Variants in ZNF880 observed in about 807,000 individuals in gnomAD.
The protein encoded by ZNF880 is zinc finger protein LOC400713.
ZNF880 carries 12 observed loss-of-function variants against 11.8 expected under a neutral mutation model. That is an observed-to-expected ratio of 1.02 (90% CI 0.65 to 1.65). The LOEUF (loss-of-function observed/expected upper bound fraction) is 1.65. ZNF880 is among the 40% of genes most tolerant of loss of function. The probability of loss-of-function intolerance (pLI) is 0.00; values close to 1 mark genes in which losing one functional copy is unlikely to be tolerated. For missense variants in ZNF880, 601 were observed against 673.9 expected, an observed-to-expected ratio of 0.89 and a Z score of 1.20; for synonymous variants, 210 against 232.4, an observed-to-expected ratio of 0.90 and a Z score of 0.88.
upstream of ZNF880, chr19:52,369,874 C>A (rs1986305575): frequency 6.6e-7 from 1 of 1,515,476 alleles, no homozygotes; most frequent in Non-Finnish European, 9.0e-7. Flanking sequence ...GCAGGCTCCG[C>A]CCAATCCCAC....
chr19:52,396,787 A>G, the ZNF880 span: 1 of 152,200 alleles, frequency 6.6e-6, no homozygotes, highest in Non-Finnish European at 1.5e-5. Context: ...GTAGAAAATT[A>G]GCACAGTGGA....
rs959054430 is a variant in ZNF880, at chr19:52,381,743, G to A, written c.269-2106G>A. Among the ~76,000 whole-genome samples, 8 of 151,880 alleles carry A rather than the reference G, an allele frequency of 5.3e-5. No homozygotes were observed. The East Asian group carries it at 1.2e-3, about 22-fold the overall frequency. ...TTGAATCCCATCTCTTGTGTGTGTC[G>A]GATAGATTTTCTCTTTGTGGTTAGC... On this transcript the variant is annotated intron_variant, in intron 3 of 3. Coordinates refer to ENST00000422689, the MANE Select transcript of ZNF880 (RefSeq NM_001145434.2).
At chr19:52,375,603 C>T (rs1474645851) in intron 3 of ZNF880, among the ~76,000 whole-genome samples, 3 of 152,076 alleles carry the variant, frequency 2.0e-5, no homozygotes, top group Non-Finnish European at 2.9e-5. Flanking sequence ...ACCCATCACC[C>T]GAGCATTGTA....
At chr19:52,370,053 C>A in intron 1 of ZNF880, 76 bp downstream of exon 1, 1 of 1,523,862 alleles carries the variant, frequency 6.6e-7, no homozygotes, top group Non-Finnish European at 8.9e-7. Context: ...TCTCAGGGGT[C>A]ACACAGACCT....
chr19:52,373,136 C>T lies in ZNF880; in HGVS notation c.38C>T (p.Ala13Val). Residue 13 changes from alanine to valine, a missense_variant, in exon 2 of 4, where the codon GCC (alanine) becomes GTC (valine). This residue lies in a region of ZNF880 where 420 missense variants were observed against 442.6 expected (regional missense o/e 0.95). Coordinates refer to ENST00000422689, the MANE Select transcript of ZNF880 (RefSeq NM_001145434.2). ...GGACACTTGGCATTCAGGGACGTGGCCATAGAATTCCCTCAGGAGGAGTGG... is the reference window on the plus strand; with the variant it reads ...GGACACTTGGCATTCAGGGACGTGGTCATAGAATTCCCTCAGGAGGAGTGG... The part of the protein sequence containing the change: ...RRGHLAFRDV[A>V]IEFPQEEWKC... 6.2e-7 allele frequency: 1 copy of T among 1,613,180 alleles called. No individual in the cohort carries two copies. Among genetic ancestry groups the T allele is most frequent in the Non-Finnish European group, 8.5e-7 (1 of 1,179,526 alleles).
upstream of ZNF880, among the ~76,000 whole-genome samples, chr19:52,368,973 C>CAAAA (rs3029482): frequency 2.8e-5 from 2 of 71,854 alleles, no homozygotes; most frequent in African/African-American, 5.6e-5. Flanking sequence ...GAGACCATCT[C>CAAAA]AAAAAAAAAA....
At chr19:52,389,549 G>C (rs1285396594), downstream of ZNF880, 3 of 152,272 alleles carry the variant, frequency 2.0e-5, no homozygotes, top group African/African-American at 7.2e-5. Context: ...GTCTGCCCCT[G>C]TGACTTTGCA....
chr19:52,376,617 C>T (rs1357505518), intron 3 of ZNF880, among the ~76,000 whole-genome samples: 3 of 147,018 alleles, frequency 2.0e-5, no homozygotes, highest in Admixed American at 1.4e-4. Flanking sequence ...TCAAGCAATT[C>T]TCCTGCCTCA....
chr19:52,380,833 T>C (rs1160396128), intron 3 of ZNF880, among the ~76,000 whole-genome samples: 1 of 150,626 alleles, frequency 6.6e-6, no homozygotes, highest in Non-Finnish European at 1.5e-5. Flanking sequence ...TGTACCACCA[T>C]GCCTGGCTAA....
At chr19:52,382,800 C>T (rs920548264) in intron 3 of ZNF880, among the ~76,000 whole-genome samples, 6 of 152,100 alleles carry the variant, frequency 3.9e-5, no homozygotes, top group Middle Eastern at 6.3e-3. Context: ...AGTTAGTTGA[C>T]CAAGCTTCTT....
At chr19:52,394,326 T>C in the ZNF880 span, among the ~76,000 whole-genome samples, 1 of 152,112 alleles carries the variant, frequency 6.6e-6, no homozygotes, top group African/African-American at 2.4e-5. Context: ...ACCTGTGTCC[T>C]GCAGGCTTAA....
intron 3 of ZNF880, among the ~76,000 whole-genome samples, chr19:52,378,954 A>T (rs1986631885): frequency 6.6e-6 from 1 of 152,138 alleles, no homozygotes; most frequent in Admixed American, 6.6e-5. Context: ...GCACACCTGT[A>T]GTCCTAGCTA....
chr19:52,371,029 T>A (rs1883582571), intron 1 of ZNF880, among the ~76,000 whole-genome samples: 1 of 152,222 alleles, frequency 6.6e-6, no homozygotes, highest in African/African-American at 2.4e-5. Flanking sequence ...TGTATATATG[T>A]ATATGAATAA....
rs777704461 is a variant in ZNF880, at chr19:52,384,921, T to C, written c.1341T>C (p.His447=). The C allele has an allele frequency of 2.1e-5, 34 of 1,595,772 alleles. No homozygotes were observed. Among genetic ancestry groups the C allele is most frequent in the Non-Finnish European group, 2.9e-5 (34 of 1,169,910 alleles). ...KCKECAKVFR[H]RLSLSNHQRF... is the part of the protein sequence containing the mutation. Reference sequence around the variant, plus strand: ...AAGAATGTGCCAAGGTCTTCAGGCATAGATTATCCCTAAGCAATCATCAGA... The same window carrying C: ...AAGAATGTGCCAAGGTCTTCAGGCACAGATTATCCCTAAGCAATCATCAGA... The change falls in exon 4 of 4, where the codon CAT becomes CAC. Residue 447 remains histidine (H), a synonymous_variant. Transcript: ENST00000422689.
the ZNF880 span, chr19:52,394,762 A>C: frequency 6.6e-6 from 1 of 152,118 alleles, no homozygotes; most frequent in African/African-American, 2.4e-5. Context: ...ATTCTTCATT[A>C]ATCTCCAGGG....
At chr19:52,386,802 CAAAAAAAAAAA>C (rs71180452), downstream of ZNF880, among the ~76,000 whole-genome samples, 1 of 79,928 alleles carries the variant, frequency 1.3e-5, no homozygotes, top group Non-Finnish European at 2.3e-5. Context: ...AACTCTGTCT[CAAAAAAAAAAA>C]AAAAAAAAAT....
chr19:52,390,294 CCCT>C (rs1384666711), downstream of ZNF880: 1 of 374,060 alleles, frequency 2.7e-6, no homozygotes. Context: ...CTGCTCCGCT[CCCT>C]CGTCAGCTCC....
rs568318293 is a variant in ZNF880 at position 52,374,858 on chromosome 19, C to T, written c.268+431C>T. The T allele has an allele frequency of 5.8e-4, 179 of 310,766 alleles. 10 individuals are homozygous for T. In the South Asian group the frequency reaches 7.8e-3, roughly 14 times the overall value. 19.3% of individuals were successfully genotyped at this position (310,766 alleles called of 1,614,324 possible). On this transcript the variant is annotated intron_variant, in intron 3 of 3. Transcript: ENST00000422689. ...CATATGATCATCTCACCTCTGCCTG[C>T]CAAGTCACTGGGACTGTAGGCATGT... is the stretch of plus-strand genomic sequence containing the variant.
intron 1 of ZNF880, among the ~76,000 whole-genome samples, chr19:52,372,909 C>CAAAAAA (rs201869014): frequency 1.4e-4 from 10 of 69,932 alleles, no homozygotes; most frequent in African/African-American, 2.9e-4. Context: ...GACTCCGTCT[C>CAAAAAA]AAAAAAAAAA....
Sources: allele counts gnomAD v4.1 joint callset (sites outside exome capture counted in the v4.1 genomes callset), GRCh38; gene constraint gnomAD v4.1.1; regional missense constraint gnomAD v4.1.1; transcripts MANE v1.5; gene names NCBI Gene and HGNC (gene_info 2026-07-23, HGNC 2026-07-21).